The following TENM2 variants were observed in gnomAD, a reference collection of about 807,000 sequenced individuals.
TENM2 encodes teneurin transmembrane protein 2.
Under a neutral mutation model 245.2 loss-of-function variants are expected in TENM2, and 52 were observed. The ratio of observed to expected loss-of-function variants is 0.21; its 90% CI spans 0.17 to 0.27. The LOEUF (loss-of-function observed/expected upper bound fraction) is 0.27, where lower values mean the gene tolerates loss of function less well. Ranked by LOEUF, TENM2 falls within the 10% of genes least tolerant of loss-of-function variation. The pLI is 1.00. For missense variants in TENM2, 3,046 were observed against 3,666.8 expected (o/e 0.83, Z 4.37); for synonymous variants, 1,363 against 1,438.9 (o/e 0.95, Z 1.19).
intron 3 of TENM2, among the ~76,000 whole-genome samples, chr5:167,944,110 A>T (rs1331053718): frequency 6.6e-6 from 1 of 152,202 alleles, no homozygotes; most frequent in East Asian, 1.9e-4. Context: ...ATGATGTGGC[A>T]CCTACGATTA....
chr5:168,083,913 C>G (rs1792219943), intron 7 of TENM2, among the ~76,000 whole-genome samples: 2 of 151,952 alleles, frequency 1.3e-5, no homozygotes, highest in South Asian at 2.1e-4. Context: ...AACCCTTGCC[C>G]CCTCCCTCTC....
the TENM2 span, among the ~76,000 whole-genome samples, chr5:167,061,307 T>C: frequency 6.6e-6 from 1 of 152,164 alleles, no homozygotes; most frequent in South Asian, 2.1e-4. Context: ...CTTGAAAGAG[T>C]TCAGAGTCTG....
At chr5:167,007,717 T>C in the TENM2 span, among the ~76,000 whole-genome samples, 4 of 152,314 alleles carry the variant, frequency 2.6e-5, no homozygotes, top group East Asian at 7.7e-4. The surrounding 1 kb of genome is among the most constrained non-coding windows in gnomAD (Gnocchi z 4.2). Context: ...TATATAGTGC[T>C]CAACCCTATA....
intron 2 of TENM2, among the ~76,000 whole-genome samples, chr5:167,753,553 G>A (rs1762096310): frequency 6.6e-6 from 1 of 152,152 alleles, no homozygotes; most frequent in Non-Finnish European, 1.5e-5. Context: ...ATGTATTAAT[G>A]CAATCTTCAT....
intron 2 of TENM2, among the ~76,000 whole-genome samples, chr5:167,706,004 TTTATTTAC>T (rs1489392879): frequency 7.5e-4 from 107 of 142,704 alleles, no homozygotes; most frequent in Middle Eastern, 7.7e-3. Context: ...TATTTATTTA[TTTATTTAC>T]TTATTTATAT....
the TENM2 span, among the ~76,000 whole-genome samples, chr5:167,042,042 G>T: frequency 3.3e-5 from 5 of 152,118 alleles, no homozygotes; most frequent in African/African-American, 1.2e-4. Context: ...CCAATGTGCT[G>T]GGGGAGAATG....
intron 4 of TENM2, among the ~76,000 whole-genome samples, chr5:167,983,030 C>T (rs1782959034): frequency 6.6e-6 from 1 of 152,144 alleles, no homozygotes; most frequent in African/African-American, 2.4e-5. Flanking sequence ...GCTGTCTGGA[C>T]ACTCCCATAT....
At chr5:168,233,669 T>A (rs1765147935) in intron 25 of TENM2, among the ~76,000 whole-genome samples, 1 of 152,146 alleles carries the variant, frequency 6.6e-6, no homozygotes, top group Admixed American at 6.5e-5. Context: ...CTCTAAGATG[T>A]CATTAAATGG....
chr5:168,199,052 T>C (rs1761706896), exon 16 of TENM2: 1 of 1,613,736 alleles, frequency 6.2e-7, no homozygotes, highest in African/African-American at 1.3e-5. Flanking sequence ...CATCATCTCC[T>C]CCCCACTGTC....
intron 22 of TENM2, among the ~76,000 whole-genome samples, chr5:168,217,335 G>A (rs879945599): frequency 6.6e-6 from 1 of 152,168 alleles, no homozygotes; most frequent in Non-Finnish European, 1.5e-5. Context: ...TTTACTTTGT[G>A]CAGTAGTAAC....
intron 3 of TENM2, among the ~76,000 whole-genome samples, chr5:167,890,415 T>C (rs1433319772): frequency 6.7e-6 from 1 of 150,182 alleles, no homozygotes; most frequent in Non-Finnish European, 1.5e-5. Context: ...TAATATTTTC[T>C]ATTTCAAGGA....
chr5:167,434,412 C>CAAA (rs61683445), intron 2 of TENM2, among the ~76,000 whole-genome samples: 1 of 74,480 alleles, frequency 1.3e-5, no homozygotes, highest in Non-Finnish European at 2.5e-5. Context: ...GACTCTATCT[C>CAAA]AAAAAAAAAA....
At chr5:167,218,858 G>T in the TENM2 span, among the ~76,000 whole-genome samples, 1 of 152,110 alleles carries the variant, frequency 6.6e-6, no homozygotes, top group African/African-American at 2.4e-5. Flanking sequence ...ACTCATTGTG[G>T]TCCTAGAAGA....
At chr5:167,230,406 T>G in the TENM2 span, among the ~76,000 whole-genome samples, 3 of 152,188 alleles carry the variant, frequency 2.0e-5, no homozygotes, top group Non-Finnish European at 4.4e-5. Context: ...TTCCTGACAC[T>G]TCTCTGTTGG....
chr5:167,609,209 A>T (rs981898), intron 2 of TENM2, among the ~76,000 whole-genome samples: 97,364 of 151,824 alleles, frequency 0.64, 31,761 homozygotes, highest in Middle Eastern at 0.74. Context: ...ACACTACCAT[A>T]CCCATTGTAC....
intron 2 of TENM2, among the ~76,000 whole-genome samples, chr5:167,378,750 A>T (rs1417253928): frequency 1.3e-5 from 2 of 152,142 alleles, no homozygotes; most frequent in Non-Finnish European, 2.9e-5. Flanking sequence ...TCAGTAATAC[A>T]GAAGAATAAC....
intron 2 of TENM2, among the ~76,000 whole-genome samples, chr5:167,537,130 G>A (rs2127599209): frequency 6.6e-6 from 1 of 151,988 alleles, no homozygotes; most frequent in Admixed American, 6.6e-5. Flanking sequence ...AGTTTGTTGA[G>A]GATGGGTATG....
intron 4 of TENM2, among the ~76,000 whole-genome samples, chr5:167,992,137 G>A (rs1199276122): frequency 2.0e-5 from 3 of 152,098 alleles, no homozygotes; most frequent in Non-Finnish European, 1.5e-5. Context: ...TGGAGGGGGC[G>A]AGGAATAAAA....
chr5:168,199,197 A>G, intron 16 of TENM2, 83 bp downstream of exon 18: 2 of 1,404,414 alleles, frequency 1.4e-6, no homozygotes, highest in Non-Finnish European at 1.9e-6. Context: ...CGAGTGGACC[A>G]GAAACTAATA....
Sources: allele counts gnomAD v4.1 joint callset (sites outside exome capture counted in the v4.1 genomes callset), GRCh38; gene constraint gnomAD v4.1.1; non-coding constraint Gnocchi (gnomAD v3.1); transcripts MANE v1.5; gene names NCBI Gene and HGNC (gene_info 2026-07-23, HGNC 2026-07-21).